The following ZNF506 variants were observed in gnomAD, a reference collection of about 807,000 sequenced individuals.
The protein encoded by ZNF506 is zinc finger protein 506.
A neutral mutation model predicts 11.6 loss-of-function variants in ZNF506; 10 were observed. The observed-to-expected ratio is 0.86, with a 90% CI of 0.53 to 1.46. ZNF506 has a LOEUF of 1.46. ZNF506 is among the 40% of genes most tolerant of loss of function. ZNF506 has a pLI of 0.00. For synonymous variants in ZNF506, 156 were observed against 173.3 expected (o/e 0.90, Z 0.78); for missense variants, 425 against 521.2 (o/e 0.82, Z 1.80).
intron 3 of ZNF506, among the ~76,000 whole-genome samples, chr19:19,802,572 T>C (rs1174641107): frequency 6.6e-6 from 1 of 152,210 alleles, no homozygotes; most frequent in Non-Finnish European, 1.5e-5. Context: ...TATTTAGATA[T>C]AGGCTGAAGA....
At chr19:19,818,813 G>A (rs182438146) in intron 1 of ZNF506, among the ~76,000 whole-genome samples, 2 of 151,998 alleles carry the variant, frequency 1.3e-5, no homozygotes, top group Non-Finnish European at 2.9e-5. Flanking sequence ...AGCCAGCCTG[G>A]TCCATCTCTA....
chr19:19,799,669 G>A (rs898550298), intron 3 of ZNF506, among the ~76,000 whole-genome samples: 6 of 152,148 alleles, frequency 3.9e-5, no homozygotes, highest in African/African-American at 1.4e-4. Context: ...AGCACTTTGG[G>A]AGGCCGAGGC....
chr19:19,805,096 T>C (rs1212715986), intron 3 of ZNF506, among the ~76,000 whole-genome samples: 1 of 151,984 alleles, frequency 6.6e-6, no homozygotes, highest in Non-Finnish European at 1.5e-5. Flanking sequence ...AAAAAACCCA[T>C]ACACAGTACA....
chr19:19,817,453 A>C (rs1338735412), intron 1 of ZNF506, among the ~76,000 whole-genome samples: 1 of 149,068 alleles, frequency 6.7e-6, no homozygotes, highest in African/African-American at 2.5e-5. Flanking sequence ...TTTTTTACAA[A>C]GTCTAGAAAG....
chr19:19,794,534 G>A lies in ZNF506; in HGVS notation c.*18C>T, dbSNP rs1480119417. The stretch of plus-strand genomic sequence containing the variant: ...TTCCCACATTCATCACATTCATACG[G>A]TTTCTCTCCAGTATGAATTATCTTA... On this transcript the variant is annotated 3_prime_UTR_variant, in exon 4 of 4. Coordinates refer to ENST00000540806, the MANE Select transcript of ZNF506 (RefSeq NM_001099269.3). The A allele has an allele frequency of 1.9e-6, 3 of 1,568,888 alleles. No individual in the cohort carries two copies. The highest frequency in any genetic ancestry group is 2.6e-6 in the Non-Finnish European group (3 of 1,161,514).
chr19:19,806,813 G>C, intron 2 of ZNF506, 129 bp downstream of exon 2: 1 of 1,176,358 alleles, frequency 8.5e-7, no homozygotes, highest in Non-Finnish European at 1.1e-6. Context: ...AAATTCTGAA[G>C]ATTTTTCTGG....
chr19:19,820,826 G>A (rs2062962660), intron 1 of ZNF506, among the ~76,000 whole-genome samples: 1 of 152,148 alleles, frequency 6.6e-6, no homozygotes, highest in African/African-American at 2.4e-5. Flanking sequence ...ACAACAAACT[G>A]TAGCTGGGTG....
intron 3 of ZNF506, chr19:19,799,242 G>GAATA (rs1294995500): frequency 2.6e-5 from 10 of 382,496 alleles, no homozygotes; most frequent in African/African-American, 4.2e-5. Flanking sequence ...TAACAAAGTT[G>GAATA]AATAGAGCAA....
chr19:19,813,880 A>C (rs1025003534), intron 1 of ZNF506, among the ~76,000 whole-genome samples: 15 of 152,250 alleles, frequency 9.9e-5, no homozygotes, highest in African/African-American at 3.4e-4. Context: ...GGAGGATGAG[A>C]TAGGAGAGAT....
chr19:19,814,176 A>AG (rs1378317511), intron 1 of ZNF506, among the ~76,000 whole-genome samples: 2 of 152,132 alleles, frequency 1.3e-5, no homozygotes, highest in South Asian at 2.1e-4. Context: ...TGGGAGGCCA[A>AG]GGGGGGTGGA....
At chr19:19,800,780 C>T (rs2062785499) in intron 3 of ZNF506, among the ~76,000 whole-genome samples, 1 of 151,864 alleles carries the variant, frequency 6.6e-6, no homozygotes, top group Non-Finnish European at 1.5e-5. Context: ...TTATGTGTTT[C>T]CCCCACACAA....
intron 3 of ZNF506, among the ~76,000 whole-genome samples, chr19:19,802,176 G>T (rs957595707): frequency 6.9e-6 from 1 of 145,728 alleles, no homozygotes; most frequent in Non-Finnish European, 1.5e-5. Flanking sequence ...CTGCACTCCA[G>T]TCTGGGTGAC....
At chr19:19,820,683 A>C (rs1367264598) in intron 1 of ZNF506, 1 of 152,252 alleles carries the variant, frequency 6.6e-6, no homozygotes, top group Non-Finnish European at 1.5e-5. Context: ...ACAGAGCGAG[A>C]CTCAAATAAA....
chr19:19,800,686 A>G (rs1359067954), intron 3 of ZNF506, among the ~76,000 whole-genome samples: 3 of 151,584 alleles, frequency 2.0e-5, no homozygotes, highest in Non-Finnish European at 2.9e-5. Context: ...AAGTGCTGGG[A>G]CTACAGGTGT....
At position 19,793,114 on chromosome 19, in the gene ZNF506, G is replaced by A. The variant is rs1254770173; in HGVS notation, c.*1438C>T. ...AAGTTGTATTACATCATTATTCACTGTTCAAAAATTTTTTTCAAGAAACAA... is the reference window on the plus strand; with the variant it reads ...AAGTTGTATTACATCATTATTCACTATTCAAAAATTTTTTTCAAGAAACAA... On this transcript the variant is annotated 3_prime_UTR_variant, in exon 4 of 4. Transcript: ENST00000540806. 1.3e-5 allele frequency among the ~76,000 whole-genome samples: 2 copies of A among 151,862 alleles called. No homozygotes were observed. The highest frequency in any genetic ancestry group is 6.5e-5 in the Admixed American group (1 of 15,270).
rs570129709 is a variant in ZNF506, at chr19:19,799,187, G to A, written c.227-3527C>T. The A allele has an allele frequency of 7.3e-5, 23 of 316,306 alleles. No individual in the cohort carries two copies. In the South Asian group the frequency reaches 2.1e-3, roughly 29 times the overall value. The allele number at this position is 316,306 out of a possible 1,614,324, so 19.6% of individuals were successfully genotyped here. A position where few individuals can be genotyped will look rare whatever the true frequency, so the allele number is the denominator to read the frequency against. ...TGTTTATCCATGTGTGTATTTGTGC[G>A]TGTGTGTGTCTCAAATTGGGGTTTC... On this transcript the variant is annotated intron_variant, in intron 3 of 3. Transcript: ENST00000540806.
In ZNF506 at chr19:19,821,704, G is replaced by A. The variant is rs1330085437; in HGVS notation, c.-101C>T. The A allele has an allele frequency of 1.5e-5, 21 of 1,447,502 alleles. No individual in the cohort carries two copies. The highest frequency in any genetic ancestry group is 1.8e-5 in the Non-Finnish European group (19 of 1,030,622). The allele number at this position is 1,447,502 out of a possible 1,614,324, so 89.7% of individuals were successfully genotyped here. On this transcript the variant is annotated 5_prime_UTR_variant, in exon 1 of 4. Coordinates refer to ENST00000540806, the MANE Select transcript of ZNF506 (RefSeq NM_001099269.3). ...TGGGCCTCTAGGAGCTGACGGCACAGAGCAGTGAAGACGATAGCTGGATCT... is the reference window on the plus strand; with the variant it reads ...TGGGCCTCTAGGAGCTGACGGCACAAAGCAGTGAAGACGATAGCTGGATCT...
At chr19:19,800,531 G>A (rs1009019785) in intron 3 of ZNF506, among the ~76,000 whole-genome samples, 8 of 150,830 alleles carry the variant, frequency 5.3e-5, no homozygotes, top group Admixed American at 2.6e-4. Context: ...ATTCCCCTGC[G>A]TCACCCTCCT....
At chr19:19,820,490 T>G (rs2062960317) in intron 1 of ZNF506, 1 of 152,074 alleles carries the variant, frequency 6.6e-6, no homozygotes, top group Non-Finnish European at 1.5e-5. Flanking sequence ...GGTCAGGAGA[T>G]CGAGACCATC....
Sources: gnomAD v4.1 joint callset for allele counts (sites outside exome capture counted in the v4.1 genomes callset) on GRCh38, gnomAD v4.1.1 for gene constraint, MANE v1.5 for transcripts, NCBI Gene and HGNC (gene_info 2026-07-23, HGNC 2026-07-21) for gene names.